Variants in RBM47 observed in about 807,000 individuals in gnomAD.
RBM47 encodes RNA-binding protein 47.
Under a neutral mutation model 47.1 loss-of-function variants are expected in RBM47, and 21 were observed. The observed-to-expected ratio is 0.45, with a 90% CI of 0.32 to 0.64. RBM47 has a LOEUF of 0.64. Ranked by LOEUF, RBM47 falls within the 30% of genes least tolerant of loss-of-function variation. The pLI, the probability that RBM47 is intolerant of heterozygous loss-of-function variation, is 0.05. For synonymous variants in RBM47, 375 were observed against 361.7 expected (o/e 1.04, Z -0.42); for missense variants, 708 against 870.9 (o/e 0.81, Z 2.35).
chr4:40,437,550 TAC>T (rs1712838326), intron 4 of RBM47, among the ~76,000 whole-genome samples: 1 of 152,206 alleles, frequency 6.6e-6, no homozygotes, highest in East Asian at 1.9e-4. Context: ...CCTGTGATTT[TAC>T]CGCTCACCCC....
At chr4:40,577,602 C>T (rs374262860) in intron 1 of RBM47, among the ~76,000 whole-genome samples, 2 of 150,936 alleles carry the variant, frequency 1.3e-5, no homozygotes, top group Admixed American at 6.6e-5. Flanking sequence ...TTTTAAAAAT[C>T]CTGTTTTCCC....
intron 1 of RBM47, among the ~76,000 whole-genome samples, chr4:40,583,698 A>T (rs1304036134): frequency 6.6e-6 from 1 of 151,234 alleles, no homozygotes; most frequent in Admixed American, 6.6e-5. Flanking sequence ...CTCTACTAAA[A>T]ATACAAAAAA....
chr4:40,436,574 C>T lies in RBM47; in HGVS notation c.1197G>A (p.Gly399=). Reference sequence around the variant, plus strand: ...ATATACCACGACCAGCAGAATATCCCCCGAGGTAGGAACCCCTAGGCCCTG... The same window carrying T: ...ATATACCACGACCAGCAGAATATCCTCCGAGGTAGGAACCCCTAGGCCCTG... ...RAPGPRGSYL[G]GYSAGRGIYS... Residue 399 remains glycine, a synonymous_variant, in exon 5 of 7, where the codon GGG becomes GGA. Coordinates refer to ENST00000295971, the MANE Select transcript of RBM47 (RefSeq NM_001098634.2). 6.2e-7 allele frequency: 1 copy of T among 1,614,194 alleles called. No individual in the cohort carries two copies. The highest frequency in any genetic ancestry group is 1.1e-5 in the South Asian group (1 of 91,088).
At chr4:40,551,255 CA>C (rs1245614733) in intron 1 of RBM47, among the ~76,000 whole-genome samples, 1 of 152,132 alleles carries the variant, frequency 6.6e-6, no homozygotes, top group Admixed American at 6.5e-5. Context: ...TCGAGGCTGA[CA>C]AATTCAAAAG....
At chr4:40,544,316 T>TG (rs1728817955) in intron 2 of RBM47, 106 bp downstream of exon 2, 1 of 151,368 alleles carries the variant, frequency 6.6e-6, no homozygotes, top group South Asian at 2.1e-4. Context: ...CAAAGGGGGG[T>TG]GGCAAGGATT....
At chr4:40,517,027 G>A (rs1725658569) in intron 2 of RBM47, among the ~76,000 whole-genome samples, 1 of 152,036 alleles carries the variant, frequency 6.6e-6, no homozygotes, top group African/African-American at 2.4e-5. Context: ...TTTCCCATGA[G>A]CACCCCTCTT....
rs539339899 is a variant in RBM47, at chr4:40,466,094, C to T, written c.-32+483G>A. The stretch of plus-strand genomic sequence containing the variant: ...ACTAGCCTGGCCAAAATGGTAAAAC[C>T]TTGTCTCTAATAAAAATATAAAAAT... On this transcript the variant is annotated intron_variant, in intron 3 of 6. Transcript: ENST00000295971. Among the ~76,000 whole-genome samples, 12 of 151,858 alleles carry T rather than the reference C, an allele frequency of 7.9e-5. No individual in the cohort carries two copies. In the South Asian group the frequency reaches 2.5e-3, roughly 32 times the overall value.
chr4:40,521,088 TG>T (rs1373939053), intron 2 of RBM47, among the ~76,000 whole-genome samples: 1 of 152,246 alleles, frequency 6.6e-6, no homozygotes, highest in Non-Finnish European at 1.5e-5. Flanking sequence ...CATTTGAAGT[TG>T]TTCTACCTTT....
At chr4:40,511,739 T>G (rs1339262085) in intron 2 of RBM47, among the ~76,000 whole-genome samples, 1 of 151,902 alleles carries the variant, frequency 6.6e-6, no homozygotes, top group African/African-American at 2.4e-5. Context: ...GCAGATCAGT[T>G]GAGGTCAGGA....
chr4:40,502,473 G>A (rs193221332), intron 2 of RBM47, among the ~76,000 whole-genome samples: 11 of 152,314 alleles, frequency 7.2e-5, no homozygotes, highest in African/African-American at 2.4e-4. Context: ...CTCTGGTAAG[G>A]AGGGGTGAGA....
intron 5 of RBM47, among the ~76,000 whole-genome samples, chr4:40,434,703 C>A (rs1240113933): frequency 6.5e-4 from 67 of 103,710 alleles, no homozygotes; most frequent in Non-Finnish European, 8.1e-4. Flanking sequence ...TTTACACAGG[C>A]AAAAAAAAAA....
At chr4:40,554,222 G>A (rs941761518) in intron 1 of RBM47, among the ~76,000 whole-genome samples, 1 of 152,018 alleles carries the variant, frequency 6.6e-6, no homozygotes, top group African/African-American at 2.4e-5. Context: ...TCCTATCCGA[G>A]AACCATTTCC....
At chr4:40,447,749 G>A (rs931852172) in intron 3 of RBM47, among the ~76,000 whole-genome samples, 9 of 152,290 alleles carry the variant, frequency 5.9e-5, no homozygotes, top group South Asian at 2.1e-4. Flanking sequence ...AGTGGCTCAC[G>A]CCTATAATCC....
rs535561470 is a variant in RBM47, at chr4:40,468,697, T to C, written c.-154-1998A>G. Among the ~76,000 whole-genome samples, 88 of 152,340 alleles carry C rather than the reference T, an allele frequency of 5.8e-4. 1 individual carries two copies. Among genetic ancestry groups the C allele is most frequent in the African/African-American group, 1.7e-3 (69 of 41,584 alleles). ...GGAACACAGCAATAATACTTTACCA[T>C]GATCTAGTTTTAATCTTGTTAACAA... On this transcript the variant is annotated intron_variant, in intron 2 of 6. Coordinates refer to ENST00000295971, the MANE Select transcript of RBM47 (RefSeq NM_001098634.2).
chr4:40,584,996 C>A (rs1466908160), intron 1 of RBM47, among the ~76,000 whole-genome samples: 1 of 152,198 alleles, frequency 6.6e-6, no homozygotes, highest in Non-Finnish European at 1.5e-5. Context: ...ACAGGTTCCA[C>A]TAAAGTTGCA....
At chr4:40,478,290 T>C (rs995580399) in intron 2 of RBM47, among the ~76,000 whole-genome samples, 2 of 152,214 alleles carry the variant, frequency 1.3e-5, no homozygotes, top group South Asian at 2.1e-4. Context: ...GCTGGGATTA[T>C]AGGCCTGAGC....
chr4:40,473,589 T>C (rs1485177431), intron 2 of RBM47, among the ~76,000 whole-genome samples: 3 of 152,224 alleles, frequency 2.0e-5, no homozygotes, highest in Non-Finnish European at 4.4e-5. Flanking sequence ...AGGTTAGAAA[T>C]ATAGATAGGA....
chr4:40,569,411 AT>A (rs34044561), intron 1 of RBM47, among the ~76,000 whole-genome samples: 335 of 140,008 alleles, frequency 2.4e-3, no homozygotes, highest in Middle Eastern at 3.8e-3. Context: ...TTCTATTCTC[AT>A]TTTTTTTTTT....
At chr4:40,558,544 T>A (rs200593881) in intron 1 of RBM47, among the ~76,000 whole-genome samples, 13,028 of 119,432 alleles carry the variant, frequency 0.11, 831 homozygotes, top group East Asian at 0.15. Context: ...AAAAAAAAAA[T>A]GGGCCAGACA....
Sources: gnomAD v4.1 joint callset for allele counts (sites outside exome capture counted in the v4.1 genomes callset) on GRCh38, gnomAD v4.1.1 for gene constraint, MANE v1.5 for transcripts, NCBI Gene and HGNC (gene_info 2026-07-23, HGNC 2026-07-21) for gene names.